The following KCNIP4 variants were observed in gnomAD, a reference collection of about 807,000 sequenced individuals.
KCNIP4 encodes potassium voltage-gated channel interacting protein 4.
Under a neutral mutation model 34.0 loss-of-function variants are expected in KCNIP4, and 12 were observed. That is an observed-to-expected ratio of 0.35 (90% confidence interval 0.23 to 0.57). The LOEUF (loss-of-function observed/expected upper bound fraction) is 0.57, where lower values mean the gene tolerates loss of function less well. KCNIP4 is among the 20% of genes least tolerant of loss of function. The pLI is 0.83. For missense variants in KCNIP4, 238 were observed against 311.7 expected, an observed-to-expected ratio of 0.76 and a Z score of 1.78; for synonymous variants, 124 against 102.2, an observed-to-expected ratio of 1.21 and a Z score of -1.29.
In KCNIP4 at chr4:21,881,552, C is replaced by G. The variant is rs548122195; in HGVS notation, c.61+67019G>C. 2.6e-5 allele frequency among the ~76,000 whole-genome samples: 4 copies of G among 152,140 alleles called. No homozygotes were observed. In the East Asian group the frequency reaches 7.7e-4, roughly 29 times the overall value. ...GGGCTTTTGACCTGATCTAATGATT[C>G]TAGTGAATAGACTAAATTGCCTTAT... On this transcript the variant is annotated intron_variant, in intron 1 of 8. Coordinates refer to ENST00000382152, the MANE Select transcript of KCNIP4 (RefSeq NM_025221.6).
chr4:21,594,070 GA>G (rs200219929), intron 1 of KCNIP4, among the ~76,000 whole-genome samples: 18 of 151,134 alleles, frequency 1.2e-4, no homozygotes, highest in Non-Finnish European at 3.0e-5. Flanking sequence ...AGCTGAAAGG[GA>G]AAAAAAACAG....
chr4:21,845,047 T>C (rs562744187), intron 1 of KCNIP4: 48 of 152,066 alleles, frequency 3.2e-4, no homozygotes, highest in Non-Finnish European at 6.6e-4. Flanking sequence ...ATCAAGACAA[T>C]AGGAAGGATG....
At chr4:21,422,490 G>A (rs1315877450) in intron 1 of KCNIP4, among the ~76,000 whole-genome samples, 9 of 151,976 alleles carry the variant, frequency 5.9e-5, no homozygotes, top group African/African-American at 1.5e-4. Context: ...GTGAGCCACC[G>A]AGCCTGGCCC....
At chr4:21,180,230 A>C (rs925810262) in intron 1 of KCNIP4, among the ~76,000 whole-genome samples, 4 of 152,200 alleles carry the variant, frequency 2.6e-5, no homozygotes, top group Non-Finnish European at 5.9e-5. Flanking sequence ...CCATAAACAA[A>C]CACAAAAATG....
At chr4:21,920,909 T>C (rs954813495) in intron 1 of KCNIP4, among the ~76,000 whole-genome samples, 4 of 152,084 alleles carry the variant, frequency 2.6e-5, no homozygotes, top group African/African-American at 4.8e-5. Flanking sequence ...AGAAGCTGTC[T>C]AGTTCTACCT....
chr4:21,367,582 T>C lies in KCNIP4; in HGVS notation c.62-484873A>G, dbSNP rs930575289. Among the ~76,000 whole-genome samples, 2 of 142,768 alleles carry C rather than the reference T, an allele frequency of 1.4e-5. 1 individual carries two copies. The highest frequency in any genetic ancestry group is 4.2e-4 in the East Asian group (2 of 4,788). The allele number at this position is 142,768 out of a possible 152,430, so 93.7% of individuals were successfully genotyped here. ...ATACATTTTATATTGAGAAGAATTTTATAATTTGAAGTATGTTCATCATTC... is the reference window on the plus strand; with the variant it reads ...ATACATTTTATATTGAGAAGAATTTCATAATTTGAAGTATGTTCATCATTC... On this transcript the variant is annotated intron_variant, in intron 1 of 8. Coordinates refer to ENST00000382152, the MANE Select transcript of KCNIP4 (RefSeq NM_025221.6).
chr4:21,935,641 A>C (rs1032712862), intron 1 of KCNIP4, among the ~76,000 whole-genome samples: 5 of 151,662 alleles, frequency 3.3e-5, no homozygotes, highest in Non-Finnish European at 7.4e-5. Context: ...CAGAGAGCAA[A>C]TGTCACTTCC....
chr4:20,734,680 T>C lies in KCNIP4; in HGVS notation c.485A>G (p.Asn162Ser), dbSNP rs780880706. Reference protein sequence around the residue: ...LLRGTVQEKLNWAFNLYDINK... With the variant: ...LLRGTVQEKLSWAFNLYDINK... ...TATGTCATACAGATTAAATGCCCAATTGAGTTTTTCTTGTACTGTCCCCCG... is the reference window on the plus strand; with the variant it reads ...TATGTCATACAGATTAAATGCCCAACTGAGTTTTTCTTGTACTGTCCCCCG... Residue 162 changes from asparagine to serine, a missense_variant, in exon 6 of 9, where the codon AAT becomes AGT. Physicochemically the swap from Asn to Ser is conservative, Grantham distance 46. Transcript: ENST00000382152. 5 of 1,603,842 alleles carry C rather than the reference T, an allele frequency of 3.1e-6. No individual in the cohort carries two copies. Among genetic ancestry groups the C allele is most frequent in the Middle Eastern group, 1.7e-4 (1 of 6,036 alleles).
At chr4:21,201,554 A>C (rs1274965046) in intron 1 of KCNIP4, among the ~76,000 whole-genome samples, 1 of 152,170 alleles carries the variant, frequency 6.6e-6, no homozygotes, top group Non-Finnish European at 1.5e-5. Context: ...GCTGGAGTGC[A>C]GTGGCATGAT....
chr4:21,510,454 T>G (rs2109918967), intron 1 of KCNIP4, among the ~76,000 whole-genome samples: 1 of 152,260 alleles, frequency 6.6e-6, no homozygotes, highest in Non-Finnish European at 1.5e-5. Context: ...GACATCGTAT[T>G]ACTCTTGAAC....
intron 1 of KCNIP4, among the ~76,000 whole-genome samples, chr4:21,682,184 C>T (rs142002330): frequency 2.0e-5 from 3 of 152,244 alleles, no homozygotes; most frequent in East Asian, 3.9e-4. Context: ...TGAGCCACCA[C>T]GCCCAGCCAA....
intron 1 of KCNIP4, among the ~76,000 whole-genome samples, chr4:21,693,982 A>G (rs140371219): frequency 1.8e-3 from 275 of 152,294 alleles, no homozygotes; most frequent in African/African-American, 6.2e-3. Context: ...TGATAATGGA[A>G]AAATGTGTTC....
At chr4:20,740,374 G>A (rs1189030265) in intron 5 of KCNIP4, among the ~76,000 whole-genome samples, 6 of 152,170 alleles carry the variant, frequency 3.9e-5, no homozygotes, top group Non-Finnish European at 7.3e-5. Flanking sequence ...GACTAACAGC[G>A]GAACTCTCGG....
At chr4:21,932,813 A>T (rs769438109) in intron 1 of KCNIP4, among the ~76,000 whole-genome samples, 1 of 152,098 alleles carries the variant, frequency 6.6e-6, no homozygotes, top group Non-Finnish European at 1.5e-5. Context: ...TATCTAAGAA[A>T]AAAAGGAGAC....
intron 1 of KCNIP4, among the ~76,000 whole-genome samples, chr4:21,861,765 C>A (rs1231551914): frequency 2.0e-5 from 3 of 152,108 alleles, no homozygotes; most frequent in African/African-American, 7.2e-5. Context: ...TGGCCACCGA[C>A]CATTGTTCTT....
intron 1 of KCNIP4, among the ~76,000 whole-genome samples, chr4:21,417,277 G>A (rs1408965146): frequency 6.6e-6 from 1 of 151,020 alleles, no homozygotes; most frequent in African/African-American, 2.4e-5. Context: ...TTCTTGAGGT[G>A]TGTGTGTGTG....
At chr4:21,684,470 T>G (rs978535) in intron 1 of KCNIP4, among the ~76,000 whole-genome samples, 39,026 of 152,114 alleles carry the variant, frequency 0.26, 6,226 homozygotes, top group African/African-American at 0.46. Flanking sequence ...AAACTAGGAC[T>G]TTAACATCTA....
intron 1 of KCNIP4, among the ~76,000 whole-genome samples, chr4:21,407,434 C>A (rs1343203131): frequency 6.6e-6 from 1 of 152,066 alleles, no homozygotes; most frequent in Non-Finnish European, 1.5e-5. Flanking sequence ...AACGTAAGTG[C>A]CATGAAGTAG....
chr4:21,914,690 T>C (rs1728530794), intron 1 of KCNIP4, among the ~76,000 whole-genome samples: 1 of 152,208 alleles, frequency 6.6e-6, no homozygotes, highest in Non-Finnish European at 1.5e-5. Context: ...ATCTTACTTT[T>C]AAATCACATA....
Sources: gnomAD v4.1 joint callset for allele counts (sites outside exome capture counted in the v4.1 genomes callset) on GRCh38, gnomAD v4.1.1 for gene constraint, MANE v1.5 for transcripts, NCBI Gene and HGNC (gene_info 2026-07-23, HGNC 2026-07-21) for gene names.